Variants in TMEM260 observed in about 807,000 individuals in gnomAD.
The protein encoded by TMEM260 is protein O-mannosyl-transferase TMEM260.
A neutral mutation model predicts 88.9 loss-of-function variants in TMEM260; 82 were observed. The observed-to-expected ratio is 0.92, with a 90% CI of 0.77 to 1.11. TMEM260 has a LOEUF of 1.11. Ranked by LOEUF, TMEM260 falls within the 50% of genes least tolerant of loss-of-function variation. The pLI, the probability that TMEM260 is intolerant of heterozygous loss-of-function variation, is 0.00. For synonymous variants in TMEM260, 314 were observed against 309.3 expected (o/e 1.02, Z -0.16); for missense variants, 902 against 853.4 (o/e 1.06, Z -0.71).
chr14:56,641,729 TAA>T (rs1283952465), intron 15 of TMEM260, among the ~76,000 whole-genome samples: 7 of 152,116 alleles, frequency 4.6e-5, no homozygotes, highest in Non-Finnish European at 8.8e-5. Flanking sequence ...GCAAATTGGA[TAA>T]AGAGTCAAGA....
At chr14:56,617,702 T>C (rs1887674126) in intron 9 of TMEM260, among the ~76,000 whole-genome samples, 2 of 152,194 alleles carry the variant, frequency 1.3e-5, no homozygotes, top group Admixed American at 1.3e-4. Context: ...ACCGTATTTC[T>C]GTTTTCTTTG....
At chr14:56,590,449 C>A (rs1885781419) in intron 3 of TMEM260, among the ~76,000 whole-genome samples, 1 of 152,232 alleles carries the variant, frequency 6.6e-6, no homozygotes, top group Admixed American at 6.5e-5. Flanking sequence ...CGGTGGGCCG[C>A]TTCACCTTTT....
intron 3 of TMEM260, among the ~76,000 whole-genome samples, chr14:56,596,618 C>G (rs184661697): frequency 9.8e-4 from 147 of 150,146 alleles, no homozygotes; most frequent in African/African-American, 3.6e-3. Flanking sequence ...ACAAAATTAG[C>G]CAGGCGTGGT....
intron 11 of TMEM260, among the ~76,000 whole-genome samples, chr14:56,624,950 C>G (rs1888152283): frequency 6.6e-6 from 1 of 152,198 alleles, no homozygotes; most frequent in South Asian, 2.1e-4. Flanking sequence ...ATTAGATTCT[C>G]TTAAGGAGCA....
intron 3 of TMEM260, among the ~76,000 whole-genome samples, chr14:56,600,691 GGATGTGGAAAAATCA>G (rs1342996633): frequency 4.6e-5 from 7 of 151,934 alleles, no homozygotes; most frequent in Non-Finnish European, 8.8e-5. Flanking sequence ...GTGCTCACTA[GGATGTGGAAAAATCA>G]GACTCTCATA....
At chr14:56,615,891 G>A in intron 7 of TMEM260, 53 bp from the exon 8 acceptor site, 1 of 1,216,022 alleles carries the variant, frequency 8.2e-7, no homozygotes, top group South Asian at 1.2e-5. Flanking sequence ...TATTTTATTT[G>A]GAATCAATCA....
intron 1 of TMEM260, among the ~76,000 whole-genome samples, chr14:56,580,975 C>T (rs1363815925): frequency 3.3e-5 from 5 of 152,136 alleles, no homozygotes; most frequent in Admixed American, 1.3e-4. Flanking sequence ...AATCAGGAGT[C>T]TGGGTGCCGT....
rs1438503156 is a variant in TMEM260 at position 56,648,752 on chromosome 14, G to GATGCCAT, written c.*1256_*1262dup. 41 of 152,770 alleles carry GATGCCAT rather than the reference G, an allele frequency of 2.7e-4. No homozygotes were observed. 9.5% of individuals were successfully genotyped at this position (152,770 alleles called of 1,614,324 possible). A position where few individuals can be genotyped will look rare whatever the true frequency, so the allele number is the denominator to read the frequency against. ...CTAATTCTCTTTTAAAATGCTGCAG[G>GATGCCAT]ATGCCATGTAGGCATCTGTCTGGAG... On this transcript the variant is annotated 3_prime_UTR_variant, in exon 16 of 16. Transcript: ENST00000261556.
rs1242070185 is a variant in TMEM260, at chr14:56,647,697, C to T, written c.*200C>T. ...CTATTTATGCAAAATTCTGTTTATC[C>T]CGTGTTACCAAATTACCATTTCAGT... On this transcript the variant is annotated 3_prime_UTR_variant, in exon 16 of 16. Coordinates refer to ENST00000261556, the MANE Select transcript of TMEM260 (RefSeq NM_017799.4). 1 of 566,776 alleles carries T rather than the reference C, an allele frequency of 1.8e-6. No individual in the cohort carries two copies. 35.1% of individuals were successfully genotyped at this position (566,776 alleles called of 1,614,324 possible). A position where few individuals can be genotyped will look rare whatever the true frequency, so the allele number is the denominator to read the frequency against.
At chr14:56,596,130 C>A (rs892532925) in intron 3 of TMEM260, among the ~76,000 whole-genome samples, 3 of 151,780 alleles carry the variant, frequency 2.0e-5, no homozygotes, top group African/African-American at 7.3e-5. Flanking sequence ...ACCCCAAGAC[C>A]AAAACATCTT....
intron 11 of TMEM260, among the ~76,000 whole-genome samples, chr14:56,625,021 ATGC>A (rs1254834658): frequency 3.3e-5 from 5 of 152,172 alleles, no homozygotes; most frequent in African/African-American, 9.7e-5. Flanking sequence ...TGAAAATCTA[ATGC>A]TGCCACTGAT....
downstream of TMEM260, among the ~76,000 whole-genome samples, chr14:56,654,748 A>G (rs533082629): frequency 1.5e-3 from 212 of 137,898 alleles, 1 homozygote; most frequent in South Asian, 5.6e-3. Context: ...CGGGAGGCAG[A>G]GGTTGCAGTG....
At chr14:56,636,895 GGTGTCTTGA>G (rs1257882046) in intron 15 of TMEM260, among the ~76,000 whole-genome samples, 5 of 152,190 alleles carry the variant, frequency 3.3e-5, no homozygotes, top group African/African-American at 1.2e-4. Context: ...GATTAAGTTA[GGTGTCTTGA>G]GACAGGGGGT....
At chr14:56,635,562 C>T (rs550986588) in intron 14 of TMEM260, among the ~76,000 whole-genome samples, 47 of 152,190 alleles carry the variant, frequency 3.1e-4, no homozygotes, top group Admixed American at 1.5e-3. Flanking sequence ...TGGAACATTT[C>T]ATAGTGATGG....
chr14:56,583,796 A>G (rs1326489832), intron 1 of TMEM260, among the ~76,000 whole-genome samples: 1 of 152,084 alleles, frequency 6.6e-6, no homozygotes, highest in East Asian at 1.9e-4. Flanking sequence ...AAGAGGTGCA[A>G]AAGAGGACCA....
the TMEM260 span, among the ~76,000 whole-genome samples, chr14:56,661,304 G>C: frequency 1.3e-5 from 2 of 152,154 alleles, no homozygotes; most frequent in African/African-American, 2.4e-5. Flanking sequence ...TGAGGTGAGA[G>C]GCGTGGGAAA....
At chr14:56,658,075 C>A in the TMEM260 span, among the ~76,000 whole-genome samples, 5 of 152,118 alleles carry the variant, frequency 3.3e-5, 1 homozygote, top group Admixed American at 2.6e-4. Context: ...GCCTAACTCT[C>A]CTTAAAGCCA....
At chr14:56,639,287 T>C (rs960471464) in intron 15 of TMEM260, among the ~76,000 whole-genome samples, 1 of 151,186 alleles carries the variant, frequency 6.6e-6, no homozygotes, top group Non-Finnish European at 1.5e-5. Flanking sequence ...TTATGATACA[T>C]TTAAAAATAA....
chr14:56,653,742 A>AAAAAAAAC (rs1890249442), downstream of TMEM260, among the ~76,000 whole-genome samples: 8 of 65,802 alleles, frequency 1.2e-4, no homozygotes, highest in Admixed American at 5.1e-4. Context: ...TCTCCAAAAC[A>AAAAAAAAC]AAAAAAAAAA....
Sources: gnomAD v4.1 joint callset for allele counts (sites outside exome capture counted in the v4.1 genomes callset) on GRCh38, gnomAD v4.1.1 for gene constraint, MANE v1.5 for transcripts, NCBI Gene and HGNC (gene_info 2026-07-23, HGNC 2026-07-21) for gene names.